KIAA1549L: variants seen among roughly 807,000 people sequenced by gnomAD.
KIAA1549L encodes UPF0606 protein KIAA1549L.
A neutral mutation model predicts 160.7 loss-of-function variants in KIAA1549L; 88 were observed. That is an observed-to-expected ratio of 0.55 (90% CI 0.46 to 0.65). KIAA1549L has a LOEUF of 0.65. Among genes scored for constraint, KIAA1549L ranks in the 30% least tolerant of loss-of-function variants. The pLI is 0.00. For synonymous variants in KIAA1549L, 950 were observed against 976.7 expected (o/e 0.97, Z 0.51); for missense variants, 2,258 against 2,437.5 (o/e 0.93, Z 1.55).
At chr11:33,439,870 T>G (rs1219750718) in intron 1 of KIAA1549L, among the ~76,000 whole-genome samples, 1 of 152,022 alleles carries the variant, frequency 6.6e-6, no homozygotes, top group African/African-American at 2.4e-5. Context: ...TACTTCCAAC[T>G]TTTTGATATT....
intron 1 of KIAA1549L, among the ~76,000 whole-genome samples, chr11:33,420,980 A>G (rs1025245493): frequency 2.0e-5 from 3 of 152,108 alleles, no homozygotes; most frequent in African/African-American, 7.2e-5. Flanking sequence ...ATGCCTATTG[A>G]TTTGCAGCCT....
intron 12 of KIAA1549L, among the ~76,000 whole-genome samples, chr11:33,594,246 T>C (rs1481462943): frequency 1.3e-5 from 2 of 152,198 alleles, no homozygotes; most frequent in African/African-American, 4.8e-5. Context: ...GGTTGGGGCA[T>C]GTGGATTAGT....
chr11:33,423,158 T>G (rs1390403626), intron 1 of KIAA1549L, among the ~76,000 whole-genome samples: 2 of 152,234 alleles, frequency 1.3e-5, no homozygotes, highest in Non-Finnish European at 2.9e-5. Context: ...TTCAACTTTT[T>G]TGCACAAAAA....
At chr11:33,401,099 A>G (rs1183878476) in intron 1 of KIAA1549L, among the ~76,000 whole-genome samples, 3 of 152,024 alleles carry the variant, frequency 2.0e-5, no homozygotes, top group Admixed American at 1.3e-4. Flanking sequence ...TGCTGTGGGC[A>G]TTACAGAGGC....
chr11:33,494,390 G>A (rs1003986124), intron 1 of KIAA1549L, among the ~76,000 whole-genome samples: 1 of 152,290 alleles, frequency 6.6e-6, no homozygotes, highest in Middle Eastern at 3.4e-3. Flanking sequence ...GATTTGCATG[G>A]TGTTAGGAAA....
At chr11:33,664,641 C>T (rs781710872) in intron 20 of KIAA1549L, among the ~76,000 whole-genome samples, 1 of 152,216 alleles carries the variant, frequency 6.6e-6, no homozygotes, top group Non-Finnish European at 1.5e-5. Context: ...AGAGAGACCC[C>T]TGACCTTTCC....
At chr11:33,616,436 T>C (rs1348503975) in intron 15 of KIAA1549L, among the ~76,000 whole-genome samples, 1 of 152,206 alleles carries the variant, frequency 6.6e-6, no homozygotes, top group Non-Finnish European at 1.5e-5. Flanking sequence ...GGGGATGTGA[T>C]GCTGGGATTG....
At chr11:33,632,198 C>G (rs796481212) in intron 16 of KIAA1549L, among the ~76,000 whole-genome samples, 5 of 152,336 alleles carry the variant, frequency 3.3e-5, no homozygotes, top group African/African-American at 1.2e-4. Context: ...TGTTCCTCTG[C>G]ATTATACACA....
chr11:33,519,009 G>T (rs538519231), intron 1 of KIAA1549L, among the ~76,000 whole-genome samples: 3 of 152,226 alleles, frequency 2.0e-5, no homozygotes, highest in Non-Finnish European at 2.9e-5. Flanking sequence ...TGTATTTTTG[G>T]ATTTTTGGAT....
chr11:33,463,425 A>T (rs1033576882), intron 1 of KIAA1549L, among the ~76,000 whole-genome samples: 1 of 152,200 alleles, frequency 6.6e-6, no homozygotes, highest in Non-Finnish European at 1.5e-5. Context: ...AAGACACATT[A>T]GTTATGACGA....
chr11:33,565,983 C>T (rs1855035421), intron 8 of KIAA1549L, among the ~76,000 whole-genome samples: 1 of 152,032 alleles, frequency 6.6e-6, no homozygotes, highest in Non-Finnish European at 1.5e-5. Context: ...TGCATTCCAG[C>T]CTGGGCAATA....
In KIAA1549L at chr11:33,672,408, G is replaced by C. The variant is rs1852696274; in HGVS notation, c.*4254G>C. Reference sequence around the variant, plus strand: ...ATCTGCCTATGGGTGAGCCACCCTGGGGTCAGGTGCCTGTCCAATCACCTG... The same window carrying C: ...ATCTGCCTATGGGTGAGCCACCCTGCGGTCAGGTGCCTGTCCAATCACCTG... On this transcript the variant is annotated 3_prime_UTR_variant, in exon 21 of 21. Coordinates refer to ENST00000658780, the MANE Select transcript of KIAA1549L (RefSeq NM_012194.3). The C allele has an allele frequency of 6.6e-6, 1 of 152,310 alleles. No homozygotes were observed. The highest frequency in any genetic ancestry group is 1.5e-5 in the Non-Finnish European group (1 of 68,098). The allele number at this position is 152,310 out of a possible 1,614,324, so 9.4% of individuals were successfully genotyped here.
At chr11:33,659,001 G>A in intron 19 of KIAA1549L, 103 bp downstream of exon 19, 1 of 1,197,798 alleles carries the variant, frequency 8.3e-7, no homozygotes, top group Non-Finnish European at 1.1e-6. Context: ...CCACCCTCAG[G>A]AATCACAGCC....
In KIAA1549L at chr11:33,556,753, A is replaced by G. The variant is rs186637028; in HGVS notation, c.3856-2996A>G. Among the ~76,000 whole-genome samples the G allele has an allele frequency of 2.7e-4, 41 of 152,140 alleles. No individual in the cohort carries two copies. The East Asian group carries it at 7.9e-3, about 29-fold the overall frequency. Reference sequence around the variant, plus strand: ...ATTGGGAGTTGTTTAGTGGGTACAGAGTTTCTGTTTGGGATGATAAAGAGG... The same window carrying G: ...ATTGGGAGTTGTTTAGTGGGTACAGGGTTTCTGTTTGGGATGATAAAGAGG... On this transcript the variant is annotated intron_variant, in intron 6 of 20. Coordinates refer to ENST00000658780, the MANE Select transcript of KIAA1549L (RefSeq NM_012194.3).
intron 1 of KIAA1549L, among the ~76,000 whole-genome samples, chr11:33,487,361 T>G (rs943051151): frequency 2.0e-5 from 3 of 151,078 alleles, no homozygotes; most frequent in African/African-American, 7.3e-5. Flanking sequence ...GGCAGGTTGC[T>G]GGATGATGAG....
At chr11:33,586,973 A>G (rs193130391) in intron 11 of KIAA1549L, among the ~76,000 whole-genome samples, 1 of 152,306 alleles carries the variant, frequency 6.6e-6, no homozygotes, top group East Asian at 1.9e-4. Flanking sequence ...ATTTAACTTT[A>G]TATGTTCAGC....
chr11:33,482,259 G>T (rs1204156850), intron 1 of KIAA1549L, among the ~76,000 whole-genome samples: 1 of 151,926 alleles, frequency 6.6e-6, no homozygotes, highest in African/African-American at 2.4e-5. Flanking sequence ...CTATAACCAC[G>T]TCATCTTGAA....
At chr11:33,498,027 G>A (rs1469880904) in intron 1 of KIAA1549L, among the ~76,000 whole-genome samples, 2 of 152,176 alleles carry the variant, frequency 1.3e-5, no homozygotes, top group Non-Finnish European at 2.9e-5. Flanking sequence ...GGTGGCTCAT[G>A]CCTGTAATAC....
At chr11:33,448,733 G>A (rs551357403) in intron 1 of KIAA1549L, among the ~76,000 whole-genome samples, 2 of 152,240 alleles carry the variant, frequency 1.3e-5, no homozygotes, top group East Asian at 3.9e-4. Context: ...TCAGGAAATG[G>A]CTACTCAGAG....
Sources: gnomAD v4.1 joint callset for allele counts (sites outside exome capture counted in the v4.1 genomes callset) on GRCh38, gnomAD v4.1.1 for gene constraint, MANE v1.5 for transcripts, NCBI Gene and HGNC (gene_info 2026-07-23, HGNC 2026-07-21) for gene names.